BCL2L13: variants seen among roughly 807,000 people sequenced by gnomAD.
The protein encoded by BCL2L13 is bcl-2-like protein 13.
BCL2L13 carries 13 observed loss-of-function variants against 25.8 expected under a neutral mutation model. That is an observed-to-expected ratio of 0.50 (90% CI 0.33 to 0.80). The LOEUF (loss-of-function observed/expected upper bound fraction) is 0.80. Ranked by LOEUF, BCL2L13 falls within the 30% of genes least tolerant of loss-of-function variation. The pLI is 0.02. For missense variants in BCL2L13, 504 were observed against 574.9 expected, an observed-to-expected ratio of 0.88 and a Z score of 1.26; for synonymous variants, 244 against 230.3, an observed-to-expected ratio of 1.06 and a Z score of -0.54.
intron 2 of BCL2L13, among the ~76,000 whole-genome samples, chr22:17,667,626 C>G (rs984358980): frequency 6.6e-6 from 1 of 151,862 alleles, no homozygotes; most frequent in Non-Finnish European, 1.5e-5. Context: ...CTCCTGCCCC[C>G]ACCTCCTGAG....
upstream of BCL2L13, among the ~76,000 whole-genome samples, chr22:17,636,381 A>ATACTT (rs1357515855): frequency 1.3e-5 from 2 of 151,406 alleles, no homozygotes; most frequent in African/African-American, 2.4e-5. Flanking sequence ...GTGGTCCTTG[A>ATACTT]TACTTGGGAG....
At position 17,719,844 on chromosome 22, in the gene BCL2L13, A is replaced by AC. The variant is rs1555897095; in HGVS notation, c.601-6833_601-6832insC. ...CTCCATCTCAAAAAAAAAAAAAAAA[A>AC]AAAAAAGAATGAAGTATGGATACAT... On this transcript the variant is annotated intron_variant, in intron 6 of 6. Coordinates refer to ENST00000317582, the MANE Select transcript of BCL2L13 (RefSeq NM_015367.4). Among the ~76,000 whole-genome samples, 963 of 132,700 alleles carry AC rather than the reference A, an allele frequency of 7.3e-3. 25 individuals are homozygous for AC. The highest frequency in any genetic ancestry group is 0.027 in the African/African-American group (929 of 34,482). 87.1% of individuals were successfully genotyped at this position (132,700 alleles called of 152,430 possible). A position where few individuals can be genotyped will look rare whatever the true frequency, so the allele number is the denominator to read the frequency against.
At position 17,727,380 on chromosome 22, in the gene BCL2L13, C is replaced by T. The variant is rs111457323; in HGVS notation, c.1304C>T (p.Pro435Leu). The T allele has an allele frequency of 5.0e-5, 81 of 1,614,192 alleles. No homozygotes were observed. Among genetic ancestry groups the T allele is most frequent in the East Asian group, 4.5e-4 (20 of 44,886 alleles). The change falls in exon 7 of 7, where the codon CCG becomes CTG. Residue 435 changes from proline to leucine, a missense_variant. Physicochemically the swap from Pro to Leu is moderately conservative, Grantham distance 98. Coordinates refer to ENST00000317582, the MANE Select transcript of BCL2L13 (RefSeq NM_015367.4). ...LSPASEKKPV[P>L]PSEGKSRLSP... ...CCTGCCAGCGAGAAGAAGCCCGTGCCGCCGTCTGAGGGCAAGTCTAGACTG... is the reference window on the plus strand; with the variant it reads ...CCTGCCAGCGAGAAGAAGCCCGTGCTGCCGTCTGAGGGCAAGTCTAGACTG...
At chr22:17,709,921 A>T (rs1415493635) in intron 6 of BCL2L13, among the ~76,000 whole-genome samples, 1 of 151,840 alleles carries the variant, frequency 6.6e-6, no homozygotes, top group Admixed American at 6.6e-5. Context: ...TCTACAAAAA[A>T]TATAAAAATT....
intron 6 of BCL2L13, among the ~76,000 whole-genome samples, chr22:17,723,639 A>G (rs79599809): frequency 0.018 from 2,729 of 152,266 alleles, 78 homozygotes; most frequent in African/African-American, 0.061. Context: ...AAGCACTATA[A>G]ATACTATACC....
At chr22:17,668,619 A>G (rs1394777678) in intron 2 of BCL2L13, among the ~76,000 whole-genome samples, 3 of 151,944 alleles carry the variant, frequency 2.0e-5, no homozygotes, top group African/African-American at 7.2e-5. Flanking sequence ...GGCGTGCACC[A>G]CGATGCCTGG....
chr22:17,673,365 T>C (rs558427684), intron 2 of BCL2L13, among the ~76,000 whole-genome samples: 22 of 145,724 alleles, frequency 1.5e-4, no homozygotes, highest in African/African-American at 5.3e-4. Flanking sequence ...TTCTTTCTTT[T>C]TTTTTTTTTT....
intron 2 of BCL2L13, among the ~76,000 whole-genome samples, chr22:17,678,682 T>C (rs1207000769): frequency 6.6e-6 from 1 of 152,228 alleles, no homozygotes; most frequent in African/African-American, 2.4e-5. Flanking sequence ...TAACAGGTAC[T>C]TTGTAAATGC....
rs569838317 is a variant in BCL2L13, at chr22:17,647,954, C to T, written c.-50-7708C>T. On this transcript the variant is annotated intron_variant, in intron 1 of 6. Transcript: ENST00000317582. The stretch of plus-strand genomic sequence containing the variant: ...CCATCCTGGCTAACACGGTGAAACC[C>T]CCGTCTCTACTAAAAAATACAAAAA... Among the ~76,000 whole-genome samples the T allele has an allele frequency of 9.9e-5, 15 of 152,086 alleles. No homozygotes were observed. In the East Asian group the frequency reaches 2.5e-3, roughly 26 times the overall value.
At chr22:17,668,221 C>T in intron 2 of BCL2L13, among the ~76,000 whole-genome samples, 1 of 150,680 alleles carries the variant, frequency 6.6e-6, no homozygotes, top group East Asian at 2.0e-4. Context: ...CCATGTTGGC[C>T]AGACTGGTCT....
At chr22:17,631,690 A>ATTTT (rs2058026300) in intron 1 of BCL2L13, among the ~76,000 whole-genome samples, 1 of 53,862 alleles carries the variant, frequency 1.9e-5, no homozygotes, top group Non-Finnish European at 3.4e-5. Context: ...ATATATATAT[A>ATTTT]TATATATATA....
chr22:17,651,078 C>T (rs1187412179), intron 1 of BCL2L13, among the ~76,000 whole-genome samples: 1 of 147,726 alleles, frequency 6.8e-6, no homozygotes, highest in East Asian at 2.0e-4. Context: ...ACTGCAACCT[C>T]TGCCTCCCAA....
At chr22:17,629,684 A>G (rs1160200741) in intron 1 of BCL2L13, among the ~76,000 whole-genome samples, 1 of 152,114 alleles carries the variant, frequency 6.6e-6, no homozygotes, top group Non-Finnish European at 1.5e-5. Context: ...ATGGTTACCC[A>G]CCATTTTTAT....
At chr22:17,722,380 T>G (rs2587097) in intron 6 of BCL2L13, among the ~76,000 whole-genome samples, 15 of 85,946 alleles carry the variant, frequency 1.7e-4, no homozygotes, top group South Asian at 1.1e-3. Context: ...ACTACAGGGG[T>G]GTGTGTGTGT....
chr22:17,728,943 T>C lies in BCL2L13; in HGVS notation c.*1409T>C, dbSNP rs1315035466. On this transcript the variant is annotated 3_prime_UTR_variant, in exon 7 of 7. Transcript: ENST00000317582. ...TGTCTTTCCAGCCCTAAAGGAAGGG[T>C]AGACCCGTGTCTTTCCAGCCCTAAA... The C allele has an allele frequency of 2.0e-5, 3 of 151,886 alleles. No individual in the cohort carries two copies. Among genetic ancestry groups the C allele is most frequent in the African/African-American group, 4.8e-5 (2 of 41,316 alleles). 9.4% of individuals were successfully genotyped at this position (151,886 alleles called of 1,614,324 possible).
chr22:17,682,869 T>TAA (rs1485815783), intron 2 of BCL2L13, among the ~76,000 whole-genome samples: 1 of 152,188 alleles, frequency 6.6e-6, no homozygotes, highest in Non-Finnish European at 1.5e-5. Context: ...TGCAGTGGCT[T>TAA]ACGCCTGAAA....
chr22:17,723,331 G>C (rs964492172), intron 6 of BCL2L13, among the ~76,000 whole-genome samples: 1 of 152,138 alleles, frequency 6.6e-6, no homozygotes, highest in Non-Finnish European at 1.5e-5. Flanking sequence ...TTTCCTAATT[G>C]TATACTGCAG....
At chr22:17,633,968 C>T (rs112336664), upstream of BCL2L13, among the ~76,000 whole-genome samples, 36 of 152,108 alleles carry the variant, frequency 2.4e-4, no homozygotes, top group African/African-American at 7.9e-4. Context: ...TCCCTTTGCA[C>T]ACCACCTCAA....
intron 2 of BCL2L13, among the ~76,000 whole-genome samples, chr22:17,665,053 C>T (rs994490300): frequency 2.0e-5 from 3 of 152,224 alleles, no homozygotes; most frequent in Non-Finnish European, 4.4e-5. Context: ...TTGAATTTCT[C>T]CCTAGAAAAT....
Sources: allele counts gnomAD v4.1 joint callset (sites outside exome capture counted in the v4.1 genomes callset), GRCh38; gene constraint gnomAD v4.1.1; transcripts MANE v1.5; gene names NCBI Gene and HGNC (gene_info 2026-07-23, HGNC 2026-07-21).